The following VCAN variants were observed in gnomAD, a reference collection of about 807,000 sequenced individuals.
The protein encoded by VCAN is versican core protein.
In VCAN, 44 loss-of-function variants were observed where a neutral mutation model predicts 245.5. That is an observed-to-expected ratio of 0.18 (90% CI 0.14 to 0.23). The LOEUF is 0.23. Among genes scored for constraint, VCAN ranks in the 10% least tolerant of loss-of-function variants. The pLI is 1.00. For synonymous variants in VCAN, 1,413 were observed against 1,437.0 expected (o/e 0.98, Z 0.38); for missense variants, 3,793 against 4,057.9 (o/e 0.93, Z 1.77).
At chr5:83,562,405 A>G (rs925763513) in intron 12 of VCAN, 2 of 152,086 alleles carry the variant, frequency 1.3e-5, no homozygotes, top group Non-Finnish European at 2.9e-5. Context: ...CTAGAACGCA[A>G]CTCTGCTCTC....
intron 12 of VCAN, among the ~76,000 whole-genome samples, chr5:83,564,351 A>T (rs1580071867): frequency 6.6e-6 from 1 of 152,290 alleles, no homozygotes; most frequent in East Asian, 1.9e-4. Context: ...TCAAAACCAC[A>T]TTCACAGAAC....
intron 12 of VCAN, among the ~76,000 whole-genome samples, chr5:83,567,603 C>T (rs923730057): frequency 8.5e-5 from 13 of 152,118 alleles, no homozygotes; most frequent in Non-Finnish European, 1.5e-4. Context: ...CCCGGCAACT[C>T]TTTGATTTTT....
At position 83,528,326 on chromosome 5, in the gene VCAN, G is replaced by T. The variant is rs78427260; in HGVS notation, c.4003+6017G>T. Among the ~76,000 whole-genome samples the T allele has an allele frequency of 7.3e-3, 1,110 of 152,276 alleles. 17 individuals carry two copies. Among genetic ancestry groups the T allele is most frequent in the African/African-American group, 0.026 (1,075 of 41,570 alleles). ...ATTACAATCCAATTATGAGAGGCCAGTTATTAGCCAATTGCTTCCCAACTT... is the reference window on the plus strand; with the variant it reads ...ATTACAATCCAATTATGAGAGGCCATTTATTAGCCAATTGCTTCCCAACTT... On this transcript the variant is annotated intron_variant, in intron 7 of 14. Transcript: ENST00000265077.
intron 6 of VCAN, among the ~76,000 whole-genome samples, chr5:83,518,812 C>T (rs916187465): frequency 4.6e-5 from 7 of 152,292 alleles, no homozygotes; most frequent in South Asian, 2.1e-4. Flanking sequence ...AACTTGGATA[C>T]ATTTCATGTG....
At chr5:83,518,487 T>C (rs1353335608) in intron 6 of VCAN, among the ~76,000 whole-genome samples, 1 of 152,204 alleles carries the variant, frequency 6.6e-6, no homozygotes, top group Non-Finnish European at 1.5e-5. Context: ...AGACCTAAAA[T>C]ACATTATGTG....
Position 83,536,996 on chromosome 5 carries a change from GT to G in VCAN, c.4004-4del, listed in dbSNP as rs1206862567. The G allele has an allele frequency of 2.6e-6, 4 of 1,567,590 alleles. No individual in the cohort carries two copies. The highest frequency in any genetic ancestry group is 1.2e-5 in the South Asian group (1 of 82,150). Reference sequence around the variant, plus strand: ...TCTATTTAAGTATTGTGAAAACTCTGTTTTTTTCAGGTCGAATGAGTGATTT... The same window carrying G: ...TCTATTTAAGTATTGTGAAAACTCTGTTTTTTCAGGTCGAATGAGTGATTT... On this transcript the variant is annotated splice_polypyrimidine_tract_variant and intron_variant, in intron 7 of 14. Coordinates refer to ENST00000265077, the MANE Select transcript of VCAN (RefSeq NM_004385.5).
At chr5:83,523,442 C>G (rs1746177415) in intron 7 of VCAN, among the ~76,000 whole-genome samples, 1 of 146,768 alleles carries the variant, frequency 6.8e-6, no homozygotes, top group African/African-American at 2.5e-5. Context: ...TTCTCTCTTA[C>G]TGTTGGAATA....
In VCAN at chr5:83,541,001, G is replaced by A. The variant is rs1348655145; in HGVS notation, c.7998G>A (p.Met2666Ile). The change falls in exon 8 of 15, where the codon ATG (methionine) becomes ATA (isoleucine). Residue 2666 changes from methionine to isoleucine, a missense_variant. Physicochemically the swap from Met to Ile is conservative, Grantham distance 10. Transcript: ENST00000265077. Reference protein sequence around the residue: ...TYEDRSQLDHMGFHFTTGIPA... With the variant: ...TYEDRSQLDHIGFHFTTGIPA... ...AAGATAGAAGCCAACTAGATCACAT[G>A]GGCTTTCACTTCACAACTGGGATCC... The A allele has an allele frequency of 3.7e-6, 6 of 1,614,020 alleles. No individual in the cohort carries two copies. Among genetic ancestry groups the A allele is most frequent in the African/African-American group, 2.7e-5 (2 of 75,010 alleles).
chr5:83,471,947 G>A lies in VCAN; in HGVS notation c.-83G>A, dbSNP rs1744205911. 3 of 391,802 alleles carry A rather than the reference G, an allele frequency of 7.7e-6. No homozygotes were observed. The highest frequency in any genetic ancestry group is 1.3e-5 in the Non-Finnish European group (3 of 222,442). 24.3% of individuals were successfully genotyped at this position (391,802 alleles called of 1,614,324 possible). On this transcript the variant is annotated 5_prime_UTR_variant, in exon 1 of 15. Transcript: ENST00000265077. ...GGCCACCACGCTTCCTATGTGACCC[G>A]CCTGGGCAACGCCGAACCCAGTCGC...
intron 2 of VCAN, among the ~76,000 whole-genome samples, chr5:83,485,203 A>G (rs1030672877): frequency 6.6e-6 from 1 of 152,246 alleles, no homozygotes; most frequent in South Asian, 2.1e-4. Flanking sequence ...TTGGAGATGA[A>G]CCAATTCATA....
chr5:83,576,802 C>A (rs1748499969), intron 13 of VCAN, among the ~76,000 whole-genome samples: 1 of 152,156 alleles, frequency 6.6e-6, no homozygotes, highest in Admixed American at 6.6e-5. Flanking sequence ...ACTTAATTCA[C>A]ATTTTTTGAT....
At chr5:83,475,716 C>G (rs951616253) in intron 1 of VCAN, among the ~76,000 whole-genome samples, 1 of 152,090 alleles carries the variant, frequency 6.6e-6, no homozygotes, top group South Asian at 2.1e-4. Flanking sequence ...GTAAAGGGTT[C>G]CAATGGATTC....
chr5:83,484,509 T>TTCCATCCATCCA (rs200174622), intron 2 of VCAN, among the ~76,000 whole-genome samples: 10 of 149,134 alleles, frequency 6.7e-5, no homozygotes, highest in South Asian at 2.2e-4. Flanking sequence ...CCATCCATCC[T>TTCCATCCATCCA]TCCATCCATC....
intron 7 of VCAN, chr5:83,536,202 A>T (rs1205128486): frequency 6.6e-6 from 1 of 152,174 alleles, no homozygotes; most frequent in Non-Finnish European, 1.5e-5. Context: ...GAAGATGTTG[A>T]TGACAAGAAC....
In VCAN at chr5:83,521,472, C is replaced by T. The variant is rs372923322; in HGVS notation, c.3166C>T (p.Pro1056Ser). ...TGCTCTCAGTTCTACAGCTTGGACT[C>T]CCAAGGAGGCAGTAACACCACTGGA... ...VPALSSTAWT[P>S]KEAVTPLDEQ... is the part of the protein sequence containing the mutation. Residue 1056 changes from proline (P) to serine (S), a missense_variant, in exon 7 of 15, where the codon CCC (proline) becomes TCC (serine). Physicochemically the swap from Pro to Ser is moderately conservative, Grantham distance 74. Coordinates refer to ENST00000265077, the MANE Select transcript of VCAN (RefSeq NM_004385.5). The T allele has an allele frequency of 1.2e-6, 2 of 1,614,024 alleles. No individual in the cohort carries two copies. Among genetic ancestry groups the T allele is most frequent in the African/African-American group, 2.7e-5 (2 of 75,054 alleles).
intron 6 of VCAN, among the ~76,000 whole-genome samples, chr5:83,513,647 T>G (rs1382470869): frequency 1.3e-5 from 2 of 152,228 alleles, no homozygotes. Context: ...CTGGCTTTTG[T>G]TCTCAGGCCC....
At chr5:83,495,293 T>C (rs1195834010) in intron 5 of VCAN, among the ~76,000 whole-genome samples, 1 of 152,170 alleles carries the variant, frequency 6.6e-6, no homozygotes, top group Admixed American at 6.6e-5. Flanking sequence ...ATAAGCAGCT[T>C]ATATTTTCCT....
intron 1 of VCAN, among the ~76,000 whole-genome samples, chr5:83,473,826 T>C (rs1284287351): frequency 2.0e-5 from 3 of 152,144 alleles, no homozygotes; most frequent in East Asian, 3.9e-4. Context: ...GCCCTAGTTT[T>C]CCCTTAAGTC....
chr5:83,534,663 A>G (rs1746639874), intron 7 of VCAN, among the ~76,000 whole-genome samples: 1 of 152,072 alleles, frequency 6.6e-6, no homozygotes, highest in Non-Finnish European at 1.5e-5. Context: ...TTTAAACTCC[A>G]GTTAAATCCC....
Sources: allele counts gnomAD v4.1 joint callset (sites outside exome capture counted in the v4.1 genomes callset), GRCh38; gene constraint gnomAD v4.1.1; transcripts MANE v1.5; gene names NCBI Gene and HGNC (gene_info 2026-07-23, HGNC 2026-07-21).